Variants in IL12RB2 observed in about 807,000 individuals in gnomAD.
IL12RB2 encodes the protein interleukin-12 receptor subunit beta-2.
Under a neutral mutation model 89.4 loss-of-function variants are expected in IL12RB2, and 82 were observed. The ratio of observed to expected loss-of-function variants is 0.92; its 90% CI spans 0.77 to 1.10. IL12RB2 has a LOEUF of 1.10. IL12RB2 is among the 50% of genes least tolerant of loss of function. The pLI is 0.00. For synonymous variants in IL12RB2, 368 were observed against 370.1 expected, an observed-to-expected ratio of 0.99 and a Z score of 0.07; for missense variants, 963 against 1,031.9, an observed-to-expected ratio of 0.93 and a Z score of 0.92.
chr1:67,372,442 T>C lies in IL12RB2; in HGVS notation c.1466T>C (p.Ile489Thr). ...AATTCCCTTTTCCTTGCAGAGAACA[T>C]AAAATCCTACATCTGTTATGAAATC... is the stretch of plus-strand genomic sequence containing the variant. ...YNVSALISEN[I>T]KSYICYEIRV... The change falls in exon 12 of 17, where the codon ATA becomes ACA. Residue 489 changes from isoleucine to threonine, a missense_variant. Ile to Thr is a moderately conservative substitution (Grantham distance 89). Coordinates refer to ENST00000674203, the MANE Select transcript of IL12RB2 (RefSeq NM_001374259.2). 2 of 1,563,152 alleles carry C rather than the reference T, an allele frequency of 1.3e-6. No individual in the cohort carries two copies. The highest frequency in any genetic ancestry group is 1.8e-6 in the Non-Finnish European group (2 of 1,133,286).
At chr1:67,382,765 G>A (rs1664746959) in intron 14 of IL12RB2, among the ~76,000 whole-genome samples, 1 of 148,998 alleles carries the variant, frequency 6.7e-6, no homozygotes, top group Non-Finnish European at 1.5e-5. Context: ...GAGTATAGTG[G>A]CATGATCATA....
rs929743728 is a variant in IL12RB2, at chr1:67,350,512, G to T, written c.1039-358G>T. 3.9e-5 allele frequency among the ~76,000 whole-genome samples: 6 copies of T among 152,368 alleles called. No individual in the cohort carries two copies. The South Asian group carries it at 6.2e-4, about 16-fold the overall frequency. On this transcript the variant is annotated intron_variant, in intron 9 of 16. Transcript: ENST00000674203. ...GGGCTGAGTGCCTTGCCCTTGGGCT[G>T]TGTAAACAGTAGAGCTGGAACTCAA...
intron 9 of IL12RB2, among the ~76,000 whole-genome samples, chr1:67,339,779 T>C (rs552953439): frequency 3.9e-5 from 6 of 152,310 alleles, no homozygotes; most frequent in African/African-American, 1.4e-4. Context: ...GAGGAAGTTC[T>C]TGCCCAAAGT....
chr1:67,326,017 C>T (rs977496903), intron 4 of IL12RB2, among the ~76,000 whole-genome samples: 1 of 152,182 alleles, frequency 6.6e-6, no homozygotes, highest in African/African-American at 2.4e-5. Flanking sequence ...TAGCACTGTG[C>T]TTGGCTCGTG....
chr1:67,326,115 G>A (rs145228690), intron 4 of IL12RB2, among the ~76,000 whole-genome samples: 41 of 152,332 alleles, frequency 2.7e-4, no homozygotes, highest in Middle Eastern at 3.4e-3. Flanking sequence ...ATTAGATTTA[G>A]ATGGTATAGC....
intron 9 of IL12RB2, among the ~76,000 whole-genome samples, chr1:67,350,493 A>G (rs1406671856): frequency 6.6e-6 from 1 of 152,256 alleles, no homozygotes; most frequent in Non-Finnish European, 1.5e-5. Context: ...AGAGGGGCTG[A>G]GTGCCTTGCC....
At chr1:67,330,631 A>T in intron 7 of IL12RB2, 29 bp from the exon 8 acceptor site, 1 of 1,123,930 alleles carries the variant, frequency 8.9e-7, no homozygotes, top group Non-Finnish European at 1.4e-6. Context: ...TAGTATTAAT[A>T]GGCACTTTAA....
At chr1:67,327,507 T>G (rs3790561) in intron 5 of IL12RB2, among the ~76,000 whole-genome samples, 22,206 of 152,186 alleles carry the variant, frequency 0.15, 1,955 homozygotes, top group East Asian at 0.32. Flanking sequence ...TTTCTGCAGC[T>G]GTAGGCTCTT....
chr1:67,325,452 A>G (rs1018360529), intron 4 of IL12RB2, among the ~76,000 whole-genome samples: 4 of 152,144 alleles, frequency 2.6e-5, no homozygotes, highest in African/African-American at 4.8e-5. Flanking sequence ...AGTAAAGAAG[A>G]GGTTTCACCA....
intron 9 of IL12RB2, among the ~76,000 whole-genome samples, chr1:67,346,050 T>G (rs17129844): frequency 1.3e-5 from 2 of 152,042 alleles, no homozygotes; most frequent in Non-Finnish European, 2.9e-5. Flanking sequence ...AGCAGAACAC[T>G]GGGGAGTATC....
intron 12 of IL12RB2, 42 bp from the exon 13 acceptor site, chr1:67,372,583 G>C (rs1481030058): frequency 6.8e-6 from 11 of 1,610,624 alleles, no homozygotes; most frequent in Non-Finnish European, 9.3e-6. Context: ...TAATGATTTG[G>C]ATTTGGAGGG....
Position 67,329,714 on chromosome 1 carries a change from C to T in IL12RB2, c.792C>T (p.Ser264=). Residue 264 remains serine (S), a synonymous_variant, in exon 7 of 17, where the codon AGC becomes AGT. Coordinates refer to ENST00000674203, the MANE Select transcript of IL12RB2 (RefSeq NM_001374259.2). ...LNRLRYRPSN[S]RLWNMVNVTK... Reference sequence around the variant, plus strand: ...GACTCAGATATCGGCCCAGTAACAGCAGGCTCTGGAATATGGTAATTATCT... The same window carrying T: ...GACTCAGATATCGGCCCAGTAACAGTAGGCTCTGGAATATGGTAATTATCT... 1.9e-6 allele frequency: 3 copies of T among 1,607,090 alleles called. No homozygotes were observed. The highest frequency in any genetic ancestry group is 2.6e-6 in the Non-Finnish European group (3 of 1,173,596).
chr1:67,367,719 T>G (rs1662860762), intron 10 of IL12RB2, 106 bp from the exon 11 acceptor site: 1 of 771,676 alleles, frequency 1.3e-6, no homozygotes, highest in Admixed American at 1.8e-5. Context: ...AAACAGATTC[T>G]TCCTAAAACT....
At chr1:67,316,453 T>TGTGTGTGTGTGTGTG (rs397980413) in intron 2 of IL12RB2, among the ~76,000 whole-genome samples, 3 of 150,940 alleles carry the variant, frequency 2.0e-5, no homozygotes, top group African/African-American at 2.4e-5. Context: ...TGTGTGTGTG[T>TGTGTGTGTGTGTGTG]TAATGTCACT....
intron 4 of IL12RB2, among the ~76,000 whole-genome samples, chr1:67,325,228 C>T (rs1480735149): frequency 6.6e-6 from 1 of 152,246 alleles, no homozygotes. Flanking sequence ...ATTCTACTTC[C>T]AGCAAGAGCC....
At chr1:67,320,814 T>C (rs2100590952) in intron 3 of IL12RB2, among the ~76,000 whole-genome samples, 1 of 152,204 alleles carries the variant, frequency 6.6e-6, no homozygotes, top group South Asian at 2.1e-4. Flanking sequence ...AGGTATACAT[T>C]GTGCCATGGT....
intron 13 of IL12RB2, among the ~76,000 whole-genome samples, chr1:67,377,905 C>T (rs1664150398): frequency 6.6e-6 from 1 of 152,104 alleles, no homozygotes; most frequent in Non-Finnish European, 1.5e-5. Context: ...GCAGGCGGAT[C>T]ACCTGAGGTC....
chr1:67,376,644 T>C (rs1664019016), intron 13 of IL12RB2, among the ~76,000 whole-genome samples: 1 of 152,194 alleles, frequency 6.6e-6, no homozygotes, highest in African/African-American at 2.4e-5. Context: ...GCTGACACCA[T>C]CATCTTCCTC....
intron 1 of IL12RB2, among the ~76,000 whole-genome samples, chr1:67,310,623 A>T (rs144620399): frequency 3.7e-4 from 56 of 152,352 alleles, no homozygotes; most frequent in African/African-American, 1.2e-3. Context: ...TTATAATAAT[A>T]GCAGGTAACA....
Sources: gnomAD v4.1 joint callset for allele counts (sites outside exome capture counted in the v4.1 genomes callset) on GRCh38, gnomAD v4.1.1 for gene constraint, MANE v1.5 for transcripts, NCBI Gene and HGNC (gene_info 2026-07-23, HGNC 2026-07-21) for gene names.